CACNA2D2: variants seen among roughly 807,000 people sequenced by gnomAD.
The protein encoded by CACNA2D2 is calcium voltage-gated channel auxiliary subunit alpha2delta 2.
In CACNA2D2, 48 loss-of-function variants were observed where a neutral mutation model predicts 166.4. The observed-to-expected ratio is 0.29, with a 90% CI of 0.23 to 0.37. The LOEUF (loss-of-function observed/expected upper bound fraction) is 0.37, where lower values mean the gene tolerates loss of function less well. Ranked by LOEUF, CACNA2D2 falls within the 10% of genes least tolerant of loss-of-function variation. CACNA2D2 has a pLI of 1.00. For synonymous variants in CACNA2D2, 561 were observed against 573.7 expected (o/e 0.98, Z 0.32); for missense variants, 1,122 against 1,433.0 (o/e 0.78, Z 3.50).
In CACNA2D2 at chr3:50,366,753, A is replaced by G; in HGVS notation, c.2589+78T>C. 1 of 1,553,252 alleles carries G rather than the reference A, an allele frequency of 6.4e-7. No homozygotes were observed. Among genetic ancestry groups the G allele is most frequent in the Non-Finnish European group, 8.8e-7 (1 of 1,130,464 alleles). On this transcript the variant is annotated intron_variant, in intron 29 of 37. Coordinates refer to ENST00000424201, the MANE Select transcript of CACNA2D2 (RefSeq NM_006030.4). The surrounding 1 kb of genome is among the most constrained non-coding windows in gnomAD (Gnocchi z 5.9). ...CTCCATGTAGGTGTTGGAGCCACTGAGTGGAGGGTTGGTGGGGGTTCCAGG... is the reference window on the plus strand; with the variant it reads ...CTCCATGTAGGTGTTGGAGCCACTGGGTGGAGGGTTGGTGGGGGTTCCAGG...
Position 50,503,376 on chromosome 3 carries a change from C to T in CACNA2D2, c.48G>A (p.Ala16=). ...RTCGASRPGP[A]RTARPWPGCG... ...AGCCGGGCCAGGGGCGCGCAGTCCGCGCTGGGCCGGGCCGAGAGGCGCCGC... is the reference window on the plus strand; with the variant it reads ...AGCCGGGCCAGGGGCGCGCAGTCCGTGCTGGGCCGGGCCGAGAGGCGCCGC... The change falls in exon 1 of 38, where the codon GCG becomes GCA. Residue 16 remains alanine (A), a synonymous_variant. Transcript: ENST00000424201. The T allele has an allele frequency of 3.8e-6, 1 of 264,850 alleles. No individual in the cohort carries two copies. Among genetic ancestry groups the T allele is most frequent in the Non-Finnish European group, 7.0e-6 (1 of 142,868 alleles). 16.4% of individuals were successfully genotyped at this position (264,850 alleles called of 1,614,324 possible).
intron 1 of CACNA2D2, among the ~76,000 whole-genome samples, chr3:50,482,719 C>T (rs1020275814): frequency 6.6e-6 from 1 of 152,198 alleles, no homozygotes; most frequent in African/African-American, 2.4e-5. Flanking sequence ...GGGCTGCAGC[C>T]CCTCTCTGCA....
chr3:50,407,905 C>T (rs973274356), intron 3 of CACNA2D2, among the ~76,000 whole-genome samples: 1 of 152,178 alleles, frequency 6.6e-6, no homozygotes, highest in Non-Finnish European at 1.5e-5. Context: ...GGAAGGAGGG[C>T]AGTGGAGGCC....
chr3:50,420,991 C>A (rs1319284828), intron 3 of CACNA2D2, among the ~76,000 whole-genome samples: 1 of 152,204 alleles, frequency 6.6e-6, no homozygotes, highest in Non-Finnish European at 1.5e-5. Flanking sequence ...TCAGTCAGGC[C>A]TGTGCCATCC....
chr3:50,369,914 T>A (rs1187574848), intron 23 of CACNA2D2, among the ~76,000 whole-genome samples: 3 of 151,402 alleles, frequency 2.0e-5, no homozygotes, highest in Non-Finnish European at 2.9e-5. Context: ...GAACACCGAC[T>A]GACACAGGAC....
At chr3:50,378,420 G>T in intron 13 of CACNA2D2, 87 bp from the exon 14 acceptor site, 1 of 1,281,358 alleles carries the variant, frequency 7.8e-7, no homozygotes, top group Non-Finnish European at 1.1e-6. Flanking sequence ...TGTGTCTGCA[G>T]CCCTGCCTCG....
At chr3:50,445,549 G>A (rs1397311424) in intron 2 of CACNA2D2, among the ~76,000 whole-genome samples, 2 of 152,026 alleles carry the variant, frequency 1.3e-5, no homozygotes, top group Non-Finnish European at 2.9e-5. Flanking sequence ...ATGTATCCTT[G>A]TAAGTGCCCT....
intron 2 of CACNA2D2, among the ~76,000 whole-genome samples, chr3:50,436,896 C>G (rs1708376902): frequency 6.6e-6 from 1 of 152,182 alleles, no homozygotes; most frequent in Non-Finnish European, 1.5e-5. Flanking sequence ...ACTGAGCCAC[C>G]CTGTCCTTGT....
chr3:50,404,324 CA>C (rs1706588117), intron 3 of CACNA2D2, among the ~76,000 whole-genome samples: 1 of 152,184 alleles, frequency 6.6e-6, no homozygotes, highest in Non-Finnish European at 1.5e-5. Flanking sequence ...TCCAGGACCA[CA>C]ACTCCACTCT....
chr3:50,373,443 C>T (rs1288036021), intron 22 of CACNA2D2, among the ~76,000 whole-genome samples: 1 of 131,986 alleles, frequency 7.6e-6, no homozygotes, highest in Non-Finnish European at 1.6e-5. Flanking sequence ...ATGAGCAGGG[C>T]ATGCAGGGGT....
At position 50,374,729 on chromosome 3, in the gene CACNA2D2, C is replaced by T. The variant is rs1358225188; in HGVS notation, c.1984+8G>A. The T allele has an allele frequency of 6.3e-7, 1 of 1,586,958 alleles. No homozygotes were observed. The highest frequency in any genetic ancestry group is 2.3e-5 in the East Asian group (1 of 43,648). ...GTGCAGGGCGCAGGCAGGGGCCGGGCCACTTACACTTGACCTGCAGGATCT... is the reference window on the plus strand; with the variant it reads ...GTGCAGGGCGCAGGCAGGGGCCGGGTCACTTACACTTGACCTGCAGGATCT... On this transcript the variant is annotated splice_region_variant and intron_variant, in intron 22 of 37. Transcript: ENST00000424201.
At chr3:50,450,732 G>A (rs1221086539) in intron 2 of CACNA2D2, among the ~76,000 whole-genome samples, 2 of 152,078 alleles carry the variant, frequency 1.3e-5, no homozygotes, top group African/African-American at 2.4e-5. Flanking sequence ...GGCCTGCTGC[G>A]CGCATGCCTG....
chr3:50,466,182 CA>C (rs1709819482), intron 2 of CACNA2D2, among the ~76,000 whole-genome samples: 1 of 152,138 alleles, frequency 6.6e-6, no homozygotes, highest in East Asian at 1.9e-4. Context: ...AACCACCTGG[CA>C]GCCTGCCCCC....
At chr3:50,446,109 A>G (rs1312347861) in intron 2 of CACNA2D2, among the ~76,000 whole-genome samples, 2 of 152,236 alleles carry the variant, frequency 1.3e-5, no homozygotes, top group East Asian at 3.9e-4. Context: ...CCTTAGCCTG[A>G]ACAGCCATGA....
At chr3:50,420,184 C>T (rs1485685985) in intron 3 of CACNA2D2, among the ~76,000 whole-genome samples, 5 of 152,218 alleles carry the variant, frequency 3.3e-5, no homozygotes, top group African/African-American at 9.6e-5. Context: ...CCGAGGGAGT[C>T]GCAGTAAGAG....
chr3:50,498,803 G>GC (rs984008357), intron 1 of CACNA2D2, among the ~76,000 whole-genome samples: 2 of 152,190 alleles, frequency 1.3e-5, no homozygotes. Context: ...CAGGCTTCAA[G>GC]CCCCCCTCCA....
intron 3 of CACNA2D2, among the ~76,000 whole-genome samples, chr3:50,423,746 G>A (rs905737663): frequency 4.6e-5 from 7 of 152,250 alleles, no homozygotes; most frequent in East Asian, 3.8e-4. Flanking sequence ...CAAAGGGCCC[G>A]ACAACCGTGC....
chr3:50,497,686 G>A (rs2107182526), intron 1 of CACNA2D2, among the ~76,000 whole-genome samples: 1 of 152,262 alleles, frequency 6.6e-6, no homozygotes, highest in South Asian at 2.1e-4. Context: ...CTCCTTTAGG[G>A]AGGCCCCAAG....
chr3:50,378,669 A>G lies in CACNA2D2; in HGVS notation c.1339+246T>C, dbSNP rs1449450796. On this transcript the variant is annotated intron_variant, in intron 13 of 37. Transcript: ENST00000424201. ...CAGAGAGATGGACGGATCAGCAAAC[A>G]GACGCAGGAGTAGACAAGCTGGGGG... 2.0e-5 allele frequency among the ~76,000 whole-genome samples: 3 copies of G among 152,258 alleles called. No homozygotes were observed. In the East Asian group the frequency reaches 5.8e-4, roughly 29 times the overall value.
Sources: allele counts gnomAD v4.1 joint callset (sites outside exome capture counted in the v4.1 genomes callset), GRCh38; gene constraint gnomAD v4.1.1; non-coding constraint Gnocchi (gnomAD v3.1); transcripts MANE v1.5; gene names NCBI Gene and HGNC (gene_info 2026-07-23, HGNC 2026-07-21).